The following GNE variants were observed in gnomAD, a reference collection of about 807,000 sequenced individuals.
GNE encodes the protein bifunctional UDP-N-acetylglucosamine 2-epimerase/N-acetylmannosamine kinase.
Under a neutral mutation model 61.8 loss-of-function variants are expected in GNE, and 41 were observed. That is an observed-to-expected ratio of 0.66 (90% CI 0.52 to 0.86). The LOEUF is 0.86. Among genes scored for constraint, GNE ranks in the 40% least tolerant of loss-of-function variants. The pLI, the probability that GNE is intolerant of heterozygous loss-of-function variation, is 0.00. For synonymous variants in GNE, 264 were observed against 326.4 expected, an observed-to-expected ratio of 0.81 and a Z score of 2.06; for missense variants, 608 against 909.1, an observed-to-expected ratio of 0.67 and a Z score of 4.26.
At chr9:36,256,582 T>C (rs903371903) in intron 1 of GNE, among the ~76,000 whole-genome samples, 7 of 152,136 alleles carry the variant, frequency 4.6e-5, no homozygotes, top group African/African-American at 1.7e-4. Context: ...CTGCATTCTC[T>C]CAACTCAAGA....
chr9:36,226,519 G>A (rs988966255), intron 7 of GNE, among the ~76,000 whole-genome samples: 2 of 151,974 alleles, frequency 1.3e-5, no homozygotes, highest in Non-Finnish European at 2.9e-5. Context: ...TATAAGGGAG[G>A]CCTCTTGGCT....
Position 36,216,358 on chromosome 9 carries a change from C to T in GNE, c.*1007G>A, listed in dbSNP as rs1192808563. 2.4e-5 allele frequency: 4 copies of T among 167,092 alleles called. No homozygotes were observed. The highest frequency in any genetic ancestry group is 3.3e-4 in the African/African-American group (2 of 6,030). The allele number at this position is 167,092 out of a possible 1,614,324, so 10.4% of individuals were successfully genotyped here. ...GTGTGTGTGTGTGTGTGTGTGTAGA[C>T]GGAGTCTCGCTCTGTCACCCAGGGT... On this transcript the variant is annotated 3_prime_UTR_variant, in exon 12 of 12. Coordinates refer to ENST00000642385, the MANE Select transcript of GNE (RefSeq NM_005476.7).
intron 1 of GNE, among the ~76,000 whole-genome samples, chr9:36,271,278 A>G (rs956501022): frequency 2.0e-5 from 3 of 152,192 alleles, no homozygotes; most frequent in African/African-American, 7.2e-5. Flanking sequence ...TTCAAACGCC[A>G]TCTCTATTGT....
chr9:36,248,108 T>C (rs1829972748), intron 2 of GNE, among the ~76,000 whole-genome samples: 1 of 151,940 alleles, frequency 6.6e-6, no homozygotes, highest in Non-Finnish European at 1.5e-5. Flanking sequence ...TATTTCCTAG[T>C]AGCGAATTCC....
rs756876449 is a variant in GNE at position 36,220,028 on chromosome 9, G to A, written c.1634-8C>T. On this transcript the variant is annotated splice_polypyrimidine_tract_variant and splice_region_variant and intron_variant, in intron 9 of 11. Transcript: ENST00000642385. ...TAATTCCACCACCGATTCCTACAGC[G>A]AGGGATAGAAATCACTGAGGGTGCT... 1.2e-5 allele frequency: 19 copies of A among 1,611,338 alleles called. No individual in the cohort carries two copies. Among genetic ancestry groups the A allele is most frequent in the South Asian group, 7.7e-5 (7 of 91,032 alleles).
rs1828696327 is a variant in GNE, at chr9:36,223,366, A to G, written c.1411+7T>C. The G allele has an allele frequency of 1.9e-6, 3 of 1,611,132 alleles. No homozygotes were observed. Among genetic ancestry groups the G allele is most frequent in the African/African-American group, 2.7e-5 (2 of 74,876 alleles). On this transcript the variant is annotated splice_region_variant and intron_variant, in intron 8 of 11. Coordinates refer to ENST00000642385, the MANE Select transcript of GNE (RefSeq NM_005476.7). ...GCATTTCTTGGATTTATAATTTACA[A>G]TCTTACCTACTCCCAAAATTCTGCA...
intron 10 of GNE, among the ~76,000 whole-genome samples, chr9:36,219,326 C>T (rs1056838279): frequency 6.6e-6 from 1 of 152,132 alleles, no homozygotes; most frequent in Non-Finnish European, 1.5e-5. Context: ...TCTCTTCCCA[C>T]CTCTTCAGAA....
intron 1 of GNE, chr9:36,265,484 T>C (rs1227651148): frequency 4.4e-6 from 2 of 456,654 alleles, no homozygotes; most frequent in Non-Finnish European, 8.8e-6. Context: ...GCCAATATCA[T>C]GAAGAAATCA....
chr9:36,260,637 A>G (rs1047559443), upstream of GNE, among the ~76,000 whole-genome samples: 1 of 152,092 alleles, frequency 6.6e-6, no homozygotes, highest in African/African-American at 2.4e-5. Flanking sequence ...TGGGAGGCCG[A>G]GGCGGGCGGA....
At position 36,227,417 on chromosome 9, in the gene GNE, A is replaced by C. The variant is rs1235280679; in HGVS notation, c.1112T>G (p.Leu371Trp). 1 of 1,612,988 alleles carries C rather than the reference A, an allele frequency of 6.2e-7. No individual in the cohort carries two copies. The highest frequency in any genetic ancestry group is 8.5e-7 in the Non-Finnish European group (1 of 1,178,922). The stretch of plus-strand genomic sequence containing the variant: ...AAGATCGATAGATTTGAGAAACTTC[A>C]AAATCCTTGGAACAGCATTTCCATC... ...YGDGNAVPRI[L>W]KFLKSIDLQE... Residue 371 changes from leucine to tryptophan, a missense_variant, in exon 7 of 12, where the codon TTG becomes TGG. Physicochemically the swap from Leu to Trp is moderately conservative, Grantham distance 61. Transcript: ENST00000642385.
At chr9:36,231,418 C>T (rs780577426) in intron 5 of GNE, among the ~76,000 whole-genome samples, 1 of 152,180 alleles carries the variant, frequency 6.6e-6, no homozygotes, top group Non-Finnish European at 1.5e-5. Flanking sequence ...GCACTCCAGC[C>T]TGAGCAACAG....
chr9:36,244,666 G>T (rs1338199616), intron 3 of GNE, among the ~76,000 whole-genome samples: 1 of 152,008 alleles, frequency 6.6e-6, no homozygotes, highest in Non-Finnish European at 1.5e-5. Flanking sequence ...AGCCAGGCGC[G>T]GTGGCTCATG....
intron 5 of GNE, among the ~76,000 whole-genome samples, chr9:36,233,083 T>C (rs575763345): frequency 6.6e-6 from 1 of 152,334 alleles, no homozygotes; most frequent in South Asian, 2.1e-4. Context: ...TCCAGTTCTT[T>C]TTCCTTTAAT....
chr9:36,275,677 T>C lies in GNE; in HGVS notation c.51+1217A>G, dbSNP rs1054708343. ...AACAACCATTTCTAAGCAGATTTTATTGATGACACGAGGAAAAAAACTTAC... is the reference window on the plus strand; with the variant it reads ...AACAACCATTTCTAAGCAGATTTTACTGATGACACGAGGAAAAAAACTTAC... On this transcript the variant is annotated intron_variant, in intron 1 of 11. Coordinates refer to the GNE transcript ENST00000396594. Among the ~76,000 whole-genome samples the C allele has an allele frequency of 1.5e-4, 23 of 152,298 alleles. 1 individual carries two copies. Among genetic ancestry groups the C allele is most frequent in the African/African-American group, 2.2e-4 (9 of 41,558 alleles).
At chr9:36,258,482 T>C (rs1317517090), upstream of GNE, 19 of 985,426 alleles carry the variant, frequency 1.9e-5, no homozygotes, top group Non-Finnish European at 2.3e-5. Context: ...CACTCCTCGC[T>C]CGCCCAGCCA....
chr9:36,260,905 CAAATG>C (rs1176051973), upstream of GNE, among the ~76,000 whole-genome samples: 300 of 138,150 alleles, frequency 2.2e-3, 1 homozygote, highest in African/African-American at 7.7e-3. Flanking sequence ...AAAAAACCCA[CAAATG>C]TATTATCCTA....
rs1438121702 is a variant in GNE, at chr9:36,246,409, C to A, written c.238G>T (p.Asp80Tyr). The A allele has an allele frequency of 8.7e-6, 14 of 1,613,726 alleles. No homozygotes were observed. Among genetic ancestry groups the A allele is most frequent in the Non-Finnish European group, 1.0e-5 (12 of 1,179,778 alleles). Residue 80 changes from aspartate (D) to tyrosine (Y), a missense_variant, in exon 3 of 12, where the codon GAT becomes TAT. Asp to Tyr is a radical substitution (Grantham distance 160). Coordinates refer to ENST00000642385, the MANE Select transcript of GNE (RefSeq NM_005476.7). ...TRLHTIVRGE[D>Y]EAAMVESVGL... The stretch of plus-strand genomic sequence containing the variant: ...ACTGACTCCACCATGGCTGCCTCAT[C>A]TTCTCCCCTCACAATTGTGTGTAGC...
At chr9:36,239,339 A>G (rs539002659) in intron 3 of GNE, among the ~76,000 whole-genome samples, 9 of 152,254 alleles carry the variant, frequency 5.9e-5, no homozygotes, top group East Asian at 5.8e-4. Context: ...CATTCTCGCA[A>G]TATCAACTCT....
In GNE at chr9:36,258,233, G is replaced by A. The variant is rs1159593809; in HGVS notation, c.-43+88C>T. On this transcript the variant is annotated intron_variant, in intron 1 of 11. Coordinates refer to ENST00000642385, the MANE Select transcript of GNE (RefSeq NM_005476.7). ...GTGGGGTGGAAAGCGGCCGGGGAGG[G>A]GAGGCCTGGGGCAGGAGGCCGGGGG... 3 of 751,574 alleles carry A rather than the reference G, an allele frequency of 4.0e-6. No homozygotes were observed. The East Asian group carries it at 3.9e-4, about 97-fold the overall frequency. 46.6% of individuals were successfully genotyped at this position (751,574 alleles called of 1,614,324 possible).
Sources: allele counts gnomAD v4.1 joint callset (sites outside exome capture counted in the v4.1 genomes callset), GRCh38; gene constraint gnomAD v4.1.1; transcripts MANE v1.5; gene names NCBI Gene and HGNC (gene_info 2026-07-23, HGNC 2026-07-21).